The following TAFA2 variants were observed in gnomAD, a reference collection of about 807,000 sequenced individuals.
The protein encoded by TAFA2 is chemokine-like protein TAFA-2.
Under a neutral mutation model 18.8 loss-of-function variants are expected in TAFA2, and 7 were observed. The observed-to-expected ratio is 0.37, with a 90% CI of 0.21 to 0.70. TAFA2 has a LOEUF of 0.70. Ranked by LOEUF, TAFA2 falls within the 30% of genes least tolerant of loss-of-function variation. The pLI, the probability that TAFA2 is intolerant of heterozygous loss-of-function variation, is 0.53. For missense variants in TAFA2, 122 were observed against 158.1 expected (o/e 0.77, Z 1.23); for synonymous variants, 60 against 54.2 (o/e 1.11, Z -0.47).
chr12:61,769,841 C>G lies in TAFA2; in HGVS notation c.107-14817G>C, dbSNP rs527269801. Among the ~76,000 whole-genome samples, 29 of 152,012 alleles carry G rather than the reference C, an allele frequency of 1.9e-4. 4 individuals are homozygous for G. In the South Asian group the frequency reaches 5.8e-3, roughly 31 times the overall value. Reference sequence around the variant, plus strand: ...ATGACAAAACAAGGTTCATTAGCACCCCCAAAAGATCACAGTAGCTCACCA... The same window carrying G: ...ATGACAAAACAAGGTTCATTAGCACGCCCAAAAGATCACAGTAGCTCACCA... On this transcript the variant is annotated intron_variant, in intron 2 of 4. Coordinates refer to ENST00000416284, the MANE Select transcript of TAFA2 (RefSeq NM_178539.5).
chr12:62,025,116 T>A (rs986970774), intron 1 of TAFA2, among the ~76,000 whole-genome samples: 9 of 152,156 alleles, frequency 5.9e-5, no homozygotes, highest in African/African-American at 2.2e-4. Context: ...TTTCTCTGTA[T>A]CCAAAAGAAA....
chr12:61,845,061 G>GA (rs1401227124), intron 2 of TAFA2, among the ~76,000 whole-genome samples: 1 of 151,972 alleles, frequency 6.6e-6, no homozygotes, highest in Non-Finnish European at 1.5e-5. Flanking sequence ...GGTTCCTGGG[G>GA]AAAAAGTTAG....
chr12:61,955,611 AAAAAAAAAAAAAAAAAAAAAAATAT>A (rs1279930565), intron 1 of TAFA2, among the ~76,000 whole-genome samples: 1 of 24,018 alleles, frequency 4.2e-5, no homozygotes, highest in Non-Finnish European at 9.1e-5. Flanking sequence ...AAAAAAAAAA[AAAAAAAAAAAAAAAAAAAAAAATAT>A]ATATATATAT....
At chr12:61,947,224 G>C (rs974908519) in intron 1 of TAFA2, among the ~76,000 whole-genome samples, 4 of 146,740 alleles carry the variant, frequency 2.7e-5, no homozygotes, top group African/African-American at 1.0e-4. Context: ...ACCAAACACC[G>C]CATATTCTCA....
At chr12:61,851,930 G>T (rs568930800) in intron 2 of TAFA2, among the ~76,000 whole-genome samples, 3 of 151,318 alleles carry the variant, frequency 2.0e-5, no homozygotes, top group Admixed American at 6.6e-5. Flanking sequence ...AAGACAAGCC[G>T]GGCACGGTGG....
intron 1 of TAFA2, among the ~76,000 whole-genome samples, chr12:61,991,504 A>C (rs1880009608): frequency 2.0e-5 from 3 of 152,216 alleles, no homozygotes; most frequent in Admixed American, 2.0e-4. Flanking sequence ...ATTGGCTTTT[A>C]AATCGCTATA....
intron 1 of TAFA2, among the ~76,000 whole-genome samples, chr12:62,176,728 T>C (rs1261280118): frequency 3.3e-5 from 5 of 152,224 alleles, no homozygotes; most frequent in African/African-American, 1.2e-4. Context: ...ATGGATGTTA[T>C]GGTATAATTT....
At chr12:62,162,031 TGTTAA>T (rs1290069776) in intron 1 of TAFA2, among the ~76,000 whole-genome samples, 2 of 152,232 alleles carry the variant, frequency 1.3e-5, no homozygotes, top group Non-Finnish European at 2.9e-5. Context: ...TGCTGAAATG[TGTTAA>T]GTTCTTTCTC....
intron 1 of TAFA2, among the ~76,000 whole-genome samples, chr12:61,974,646 G>T (rs1291345056): frequency 6.6e-6 from 1 of 151,762 alleles, no homozygotes; most frequent in Admixed American, 6.6e-5. Flanking sequence ...AGTGCCACCA[G>T]GAGCAGCTGA....
intron 1 of TAFA2, among the ~76,000 whole-genome samples, chr12:62,018,871 A>C (rs1021667188): frequency 2.0e-5 from 3 of 152,202 alleles, no homozygotes; most frequent in African/African-American, 7.2e-5. Flanking sequence ...AGAAACTACC[A>C]TCAGAATGAA....
At chr12:61,978,978 A>C (rs772699253) in intron 1 of TAFA2, among the ~76,000 whole-genome samples, 1 of 152,106 alleles carries the variant, frequency 6.6e-6, no homozygotes, top group African/African-American at 2.4e-5. Context: ...CCAAGAGCCT[A>C]GTTCTCCAGT....
intron 1 of TAFA2, among the ~76,000 whole-genome samples, chr12:62,141,728 C>T (rs1193652181): frequency 6.6e-6 from 1 of 152,102 alleles, no homozygotes; most frequent in Admixed American, 6.5e-5. Context: ...ATGCTAACAG[C>T]CATGCCCCAA....
At chr12:62,070,635 T>C (rs1882607080) in intron 1 of TAFA2, 1 of 152,098 alleles carries the variant, frequency 6.6e-6, no homozygotes, top group African/African-American at 2.4e-5. Context: ...TCAGAAATCA[T>C]TTGCACTTCA....
At chr12:61,837,584 T>G (rs1036367330) in intron 2 of TAFA2, among the ~76,000 whole-genome samples, 2 of 151,974 alleles carry the variant, frequency 1.3e-5, no homozygotes, top group Non-Finnish European at 2.9e-5. Flanking sequence ...ATATCTGAAC[T>G]GCTGTTTGAA....
intron 2 of TAFA2, among the ~76,000 whole-genome samples, chr12:61,810,598 A>G (rs1307129117): frequency 2.0e-5 from 3 of 151,250 alleles, no homozygotes; most frequent in Non-Finnish European, 4.4e-5. Context: ...GCAAAGATTT[A>G]TAGTCTTTTC....
At chr12:61,824,407 T>A (rs938358339) in intron 2 of TAFA2, among the ~76,000 whole-genome samples, 5 of 152,178 alleles carry the variant, frequency 3.3e-5, no homozygotes, top group African/African-American at 1.2e-4. Flanking sequence ...TGGCAATAGG[T>A]AACTAATATA....
At chr12:61,761,298 A>T (rs983759469) in intron 2 of TAFA2, among the ~76,000 whole-genome samples, 6 of 152,064 alleles carry the variant, frequency 3.9e-5, no homozygotes, top group Non-Finnish European at 7.4e-5. Context: ...TGACTTATAC[A>T]GGCATAGATT....
intron 1 of TAFA2, among the ~76,000 whole-genome samples, chr12:62,101,877 A>C (rs1348537118): frequency 6.6e-6 from 1 of 152,246 alleles, no homozygotes; most frequent in African/African-American, 2.4e-5. Context: ...AGGAAAAGGA[A>C]GGAGGAAGAT....
intron 2 of TAFA2, among the ~76,000 whole-genome samples, chr12:61,836,737 A>ATATATATG (rs2121108483): frequency 7.1e-6 from 1 of 140,008 alleles, no homozygotes; most frequent in Admixed American, 7.3e-5. Context: ...AATTTGATAT[A>ATATATATG]TATATATATA....
Sources: allele counts gnomAD v4.1 joint callset (sites outside exome capture counted in the v4.1 genomes callset), GRCh38; gene constraint gnomAD v4.1.1; transcripts MANE v1.5; gene names NCBI Gene and HGNC (gene_info 2026-07-23, HGNC 2026-07-21).